BSDC1: variants seen among roughly 807,000 people sequenced by gnomAD.
BSDC1 encodes BSD domain containing 1, also known as BSD domain-containing protein 1.
Under a neutral mutation model 56.0 loss-of-function variants are expected in BSDC1, and 29 were observed. The ratio of observed to expected loss-of-function variants is 0.52; its 90% CI spans 0.39 to 0.71. The LOEUF is 0.71. Among genes scored for constraint, BSDC1 ranks in the 30% least tolerant of loss-of-function variants. The pLI, the probability that BSDC1 is intolerant of heterozygous loss-of-function variation, is 0.00. For missense variants in BSDC1, 477 were observed against 548.5 expected, an observed-to-expected ratio of 0.87 and a Z score of 1.30; for synonymous variants, 210 against 215.3, an observed-to-expected ratio of 0.98 and a Z score of 0.21.
At chr1:32,389,865 C>G (rs552358174) in intron 2 of BSDC1, among the ~76,000 whole-genome samples, 7 of 151,342 alleles carry the variant, frequency 4.6e-5, no homozygotes, top group Admixed American at 4.6e-4. Context: ...CCCAGCTACC[C>G]AGGAGGCTGA....
chr1:32,382,867 CAAAAAAAAAA>C (rs760141230), intron 4 of BSDC1, among the ~76,000 whole-genome samples: 1 of 47,106 alleles, frequency 2.1e-5, no homozygotes, highest in Non-Finnish European at 4.4e-5. Flanking sequence ...GAGACCGTCT[CAAAAAAAAAA>C]AAAAAAAAAA....
intron 3 of BSDC1, among the ~76,000 whole-genome samples, chr1:32,385,656 G>A (rs922599205): frequency 3.3e-5 from 5 of 152,144 alleles, no homozygotes; most frequent in Admixed American, 3.3e-4. Context: ...GAGCCCAGGA[G>A]GCAAAGGTTG....
chr1:32,374,831 T>G (rs1266280190), intron 9 of BSDC1: 1 of 152,156 alleles, frequency 6.6e-6, no homozygotes, highest in South Asian at 2.1e-4. Context: ...CTTCTGCCCC[T>G]CTCCCACTCA....
intron 9 of BSDC1, chr1:32,369,187 G>C: frequency 9.2e-7 from 1 of 1,090,920 alleles, no homozygotes; most frequent in Non-Finnish European, 1.2e-6. Flanking sequence ...GGTTAGGCTG[G>C]AGAAGAACTT....
At chr1:32,366,686 AAC>A (rs1386358451) in intron 10 of BSDC1, 32 bp from the exon 11 acceptor site, 1 of 1,458,316 alleles carries the variant, frequency 6.9e-7, no homozygotes, top group South Asian at 1.5e-5. Flanking sequence ...GGAAATCACA[AAC>A]ACATAGTTAC....
At chr1:32,372,393 G>C (rs1642123268) in intron 9 of BSDC1, among the ~76,000 whole-genome samples, 1 of 152,210 alleles carries the variant, frequency 6.6e-6, no homozygotes, top group Non-Finnish European at 1.5e-5. Flanking sequence ...CCTAACCTCA[G>C]GTTGCCCTCT....
chr1:32,367,113 G>C (rs1641882244), intron 10 of BSDC1: 1 of 986,574 alleles, frequency 1.0e-6, no homozygotes, highest in Non-Finnish European at 1.2e-6. Flanking sequence ...GCCACTGCCT[G>C]AGTGGCACTG....
intron 10 of BSDC1, chr1:32,368,059 A>C: frequency 8.2e-7 from 1 of 1,222,890 alleles, no homozygotes; most frequent in Non-Finnish European, 1.0e-6. Context: ...AAAAACAGAA[A>C]TGGGGTCTCA....
chr1:32,366,200 G>A lies in BSDC1; in HGVS notation c.*422C>T, dbSNP rs1641843265. 3.9e-6 allele frequency: 1 copy of A among 257,662 alleles called. No homozygotes were observed. Among genetic ancestry groups the A allele is most frequent in the East Asian group, 1.2e-4 (1 of 8,430 alleles). 16.0% of individuals were successfully genotyped at this position (257,662 alleles called of 1,614,324 possible). ...GTAGGTGGCATGGCCCTCCCTGCCT[G>A]CTTATGTATGGACAGAGTATGTTGT... On this transcript the variant is annotated 3_prime_UTR_variant, in exon 11 of 11. Coordinates refer to ENST00000455895, the MANE Select transcript of BSDC1 (RefSeq NM_018045.8).
chr1:32,368,988 C>A (rs544445071), intron 9 of BSDC1, among the ~76,000 whole-genome samples: 1 of 152,160 alleles, frequency 6.6e-6, no homozygotes, highest in Non-Finnish European at 1.5e-5. Context: ...TGTGAGCCAC[C>A]GCACCTGGCC....
chr1:32,393,691 GT>G (rs1324952740), intron 2 of BSDC1: 4 of 206,298 alleles, frequency 1.9e-5, no homozygotes, highest in Non-Finnish European at 4.0e-5. Context: ...AGTGCTGGTT[GT>G]CGCATATACT....
chr1:32,393,766 G>C (rs1024465997), intron 2 of BSDC1: 1 of 398,200 alleles, frequency 2.5e-6, no homozygotes, highest in African/African-American at 2.0e-5. Context: ...TTCAAGACCT[G>C]TATCAAATGC....
rs577793168 is a variant in BSDC1 at position 32,378,184 on chromosome 1, G to A, written c.597+31C>T. 6.2e-7 allele frequency: 1 copy of A among 1,610,930 alleles called. No individual in the cohort carries two copies. Among genetic ancestry groups the A allele is most frequent in the Non-Finnish European group, 8.5e-7 (1 of 1,177,054 alleles). On this transcript the variant is annotated intron_variant, in intron 7 of 10. Coordinates refer to ENST00000455895, the MANE Select transcript of BSDC1 (RefSeq NM_018045.8). This position sits in a 1 kb window ranked among gnomAD's most constrained non-coding sequence, Gnocchi z 5.2. The stretch of plus-strand genomic sequence containing the variant: ...TCCAGCCTGCTTCCCCCAGGGTTGA[G>A]TGGGGACCTCCCCATGCTAGACCAG...
intron 4 of BSDC1, 25 bp from the exon 5 acceptor site, chr1:32,381,293 A>G (rs1478716914): frequency 6.2e-7 from 1 of 1,611,494 alleles, no homozygotes; most frequent in African/African-American, 1.3e-5. Context: ...GAAGAGGAAA[A>G]CAGAAATTCT....
intron 4 of BSDC1, among the ~76,000 whole-genome samples, chr1:32,383,184 C>G (rs1642547841): frequency 6.6e-6 from 1 of 152,114 alleles, no homozygotes; most frequent in Non-Finnish European, 1.5e-5. Flanking sequence ...GTGGCTCACT[C>G]CTGTAATCCT....
chr1:32,370,658 C>G (rs991226712), intron 9 of BSDC1, among the ~76,000 whole-genome samples: 1 of 151,740 alleles, frequency 6.6e-6, no homozygotes, highest in South Asian at 2.1e-4. Flanking sequence ...AAAAAATTAG[C>G]TGGGGGTGGT....
At chr1:32,394,235 G>A in intron 1 of BSDC1, 95 bp from the exon 2 acceptor site, 1 of 1,561,642 alleles carries the variant, frequency 6.4e-7, no homozygotes, top group Admixed American at 1.8e-5. Context: ...CCTGCGGGCC[G>A]AGGCTTCGCA....
intron 10 of BSDC1, chr1:32,368,028 T>C: frequency 8.3e-7 from 1 of 1,199,198 alleles, no homozygotes; most frequent in Non-Finnish European, 1.0e-6. Context: ...TGTTTTCTTT[T>C]TTCCTTTTTT....
At chr1:32,384,107 A>G in intron 3 of BSDC1, 110 bp from the exon 4 acceptor site, 1 of 1,488,136 alleles carries the variant, frequency 6.7e-7, no homozygotes, top group East Asian at 2.3e-5. Flanking sequence ...GGGACCAGGG[A>G]AGCGCTCACG....
Sources: gnomAD v4.1 joint callset for allele counts (sites outside exome capture counted in the v4.1 genomes callset) on GRCh38, gnomAD v4.1.1 for gene constraint, Gnocchi (gnomAD v3.1) non-coding constraint, MANE v1.5 for transcripts, NCBI Gene and HGNC (gene_info 2026-07-23, HGNC 2026-07-21) for gene names.